Variants in NIPA2 observed in about 807,000 individuals in gnomAD.
NIPA2 encodes NIPA magnesium transporter 2, also known as magnesium transporter NIPA2.
A neutral mutation model predicts 29.7 loss-of-function variants in NIPA2; 11 were observed. The observed-to-expected ratio is 0.37, with a 90% CI of 0.23 to 0.61. The LOEUF is 0.61. Ranked by LOEUF, NIPA2 falls within the 20% of genes least tolerant of loss-of-function variation. The pLI, the probability that NIPA2 is intolerant of heterozygous loss-of-function variation, is 0.66. For synonymous variants in NIPA2, 183 were observed against 161.9 expected, an observed-to-expected ratio of 1.13 and a Z score of -0.99; for missense variants, 426 against 437.9, an observed-to-expected ratio of 0.97 and a Z score of 0.24.
intron 6 of NIPA2, among the ~76,000 whole-genome samples, chr15:22,859,438 A>G (rs1003956806): frequency 2.6e-5 from 4 of 151,314 alleles, no homozygotes; most frequent in East Asian, 2.0e-4. Context: ...GACTACAGGC[A>G]CCCGCCACCA....
intron 3 of NIPA2, among the ~76,000 whole-genome samples, chr15:22,850,920 C>T (rs1452457415): frequency 6.6e-6 from 1 of 152,172 alleles, no homozygotes; most frequent in Admixed American, 6.5e-5. Context: ...TTTTTCTCTG[C>T]TATCCACACT....
At chr15:22,864,524 G>A (rs2141596524) in intron 7 of NIPA2, among the ~76,000 whole-genome samples, 2 of 152,252 alleles carry the variant, frequency 1.3e-5, no homozygotes, top group East Asian at 3.9e-4. Context: ...TTTCATGGCT[G>A]GCTGTGGGCA....
chr15:22,854,928 T>TTTTTAAA (rs2058070787), intron 5 of NIPA2, among the ~76,000 whole-genome samples: 1 of 152,154 alleles, frequency 6.6e-6, no homozygotes, highest in Non-Finnish European at 1.5e-5. Context: ...GGCCTGTGCA[T>TTTTTAAA]TTTTAAAATT....
At chr15:22,847,978 AGTAGAGACGGG>A (rs199851307) in intron 3 of NIPA2, among the ~76,000 whole-genome samples, 3,228 of 150,774 alleles carry the variant, frequency 0.021, 51 homozygotes, top group Non-Finnish European at 0.032. Flanking sequence ...TTGTATTTTT[AGTAGAGACGGG>A]GTTTCTCCAT....
At position 22,840,166 on chromosome 15, in the gene NIPA2, C is replaced by G. The variant is rs116398279; in HGVS notation, c.-216+376C>G. Among the ~76,000 whole-genome samples, 503 of 152,222 alleles carry G rather than the reference C, an allele frequency of 3.3e-3. 4 individuals carry two copies. The highest frequency in any genetic ancestry group is 0.011 in the African/African-American group (467 of 41,510). On this transcript the variant is annotated intron_variant, in intron 2 of 7. Coordinates refer to ENST00000337451, the MANE Select transcript of NIPA2 (RefSeq NM_030922.7). ...CTAATTCTGGACTTAAGCGATCCAA[C>G]CACCTTGGCCTCCAAAGTGCGGGGA...
In NIPA2 at chr15:22,866,474, A is replaced by G. The variant is rs2059083474; in HGVS notation, c.710A>G (p.Asn237Ser). The G allele has an allele frequency of 6.2e-7, 1 of 1,613,918 alleles. No homozygotes were observed. ...VCVSTQINYL[N>S]RALDIFNTSI... ...GTGAGCACACAGATTAATTACCTAA[A>G]TAGGGCCCTGGATATATTCAACACT... The change falls in exon 8 of 8, where the codon AAT (asparagine) becomes AGT (serine). Residue 237 changes from asparagine to serine, a missense_variant. Asn to Ser is a conservative substitution (Grantham distance 46). Transcript: ENST00000337451.
At position 22,848,609 on chromosome 15, in the gene NIPA2, C is replaced by T. The variant is rs558067471; in HGVS notation, c.-93-3030C>T. On this transcript the variant is annotated intron_variant, in intron 3 of 7. Coordinates refer to ENST00000337451, the MANE Select transcript of NIPA2 (RefSeq NM_030922.7). ...TGAAGGCTGAGATGGGCGGATCACT[C>T]GAGGTCAGGAGTTCCAGACCAGCCT... 5.3e-5 allele frequency among the ~76,000 whole-genome samples: 8 copies of T among 151,824 alleles called. No homozygotes were observed. In the South Asian group the frequency reaches 1.7e-3, roughly 32 times the overall value.
intron 4 of NIPA2, 50 bp downstream of exon 4, chr15:22,851,920 T>C (rs2057772774): frequency 1.3e-6 from 2 of 1,515,478 alleles, no homozygotes; most frequent in Non-Finnish European, 1.8e-6. Context: ...TCTACCTACA[T>C]GCACAGGTTC....
intron 7 of NIPA2, among the ~76,000 whole-genome samples, chr15:22,861,274 A>G (rs1297670538): frequency 1.3e-5 from 2 of 152,138 alleles, no homozygotes; most frequent in African/African-American, 4.8e-5. Flanking sequence ...ACAAAGAGGT[A>G]TTCTTTGTTT....
At chr15:22,861,504 G>C (rs2058620517) in intron 7 of NIPA2, among the ~76,000 whole-genome samples, 1 of 152,226 alleles carries the variant, frequency 6.6e-6, no homozygotes, top group Non-Finnish European at 1.5e-5. Flanking sequence ...GGCATGAAGA[G>C]ATGAGATTTT....
intron 3 of NIPA2, among the ~76,000 whole-genome samples, chr15:22,848,089 C>T (rs563841668): frequency 2.0e-5 from 3 of 152,238 alleles, no homozygotes; most frequent in Admixed American, 6.5e-5. Flanking sequence ...TGAGCCACCA[C>T]GCCTGGTCGA....
rs1306936820 is a variant in NIPA2, at chr15:22,845,176, CAG to C, written c.-178_-177del. The C allele has an allele frequency of 6.6e-6, 1 of 152,154 alleles. No homozygotes were observed. Among genetic ancestry groups the C allele is most frequent in the Non-Finnish European group, 1.5e-5 (1 of 68,052 alleles). 9.4% of individuals were successfully genotyped at this position (152,154 alleles called of 1,614,324 possible). A position where few individuals can be genotyped will look rare whatever the true frequency, so the allele number is the denominator to read the frequency against. Reference sequence around the variant, plus strand: ...CCCGGCTGTGATAGACCTTCAGTTACAGAGAGAGGGAGCAGAGTGGGACCAGG... The same window carrying C: ...CCCGGCTGTGATAGACCTTCAGTTACAGAGAGGGAGCAGAGTGGGACCAGG... On this transcript the variant is annotated 5_prime_UTR_variant, in exon 3 of 8. It removes the in-frame stop codon of an upstream open reading frame in the 5' UTR. Transcript: ENST00000337451.
At chr15:22,842,845 T>C (rs1028535519) in intron 2 of NIPA2, among the ~76,000 whole-genome samples, 1 of 150,806 alleles carries the variant, frequency 6.6e-6, no homozygotes, top group African/African-American at 2.4e-5. Context: ...AATTAAAAAA[T>C]GCAAAAAATT....
chr15:22,858,505 T>C (rs1293664557), intron 5 of NIPA2, 35 bp from the exon 6 acceptor site: 2 of 1,439,434 alleles, frequency 1.4e-6, no homozygotes, highest in Non-Finnish European at 1.9e-6. Flanking sequence ...ACATACATTC[T>C]TACCTGAGTT....
At chr15:22,862,644 C>T (rs1182883690) in intron 7 of NIPA2, among the ~76,000 whole-genome samples, 1 of 151,954 alleles carries the variant, frequency 6.6e-6, no homozygotes, top group African/African-American at 2.4e-5. Flanking sequence ...AAGTCTTTGT[C>T]TGCTAACTTT....
At chr15:22,843,220 T>G (rs1048218323) in intron 2 of NIPA2, among the ~76,000 whole-genome samples, 1 of 151,844 alleles carries the variant, frequency 6.6e-6, no homozygotes, top group Non-Finnish European at 1.5e-5. Flanking sequence ...ATCTCTGGAC[T>G]TGGGCCAGGT....
At chr15:22,853,813 G>A (rs2057965289) in intron 5 of NIPA2, among the ~76,000 whole-genome samples, 1 of 152,058 alleles carries the variant, frequency 6.6e-6, no homozygotes, top group African/African-American at 2.4e-5. Context: ...TCCTTTGCAG[G>A]ACAAACAATC....
At chr15:22,845,502 A>G (rs1898367083) in intron 3 of NIPA2, among the ~76,000 whole-genome samples, 1 of 152,230 alleles carries the variant, frequency 6.6e-6, no homozygotes, top group South Asian at 2.1e-4. Flanking sequence ...GGAAACCACC[A>G]CAGAAAACCT....
In NIPA2 at chr15:22,858,533, C is replaced by T. The variant is rs1369020363; in HGVS notation, c.197-7C>T. 1 of 1,597,246 alleles carries T rather than the reference C, an allele frequency of 6.3e-7. No homozygotes were observed. Among genetic ancestry groups the T allele is most frequent in the Non-Finnish European group, 8.6e-7 (1 of 1,169,586 alleles). ...CCTGAGTTTTTCTTTTGTTGTCTGTCTCTAAGTGGGAGCTGGTGAGGTGGC... is the reference window on the plus strand; with the variant it reads ...CCTGAGTTTTTCTTTTGTTGTCTGTTTCTAAGTGGGAGCTGGTGAGGTGGC... On this transcript the variant is annotated splice_polypyrimidine_tract_variant and splice_region_variant and intron_variant, in intron 5 of 7. Coordinates refer to ENST00000337451, the MANE Select transcript of NIPA2 (RefSeq NM_030922.7).
Sources: gnomAD v4.1 joint callset for allele counts (sites outside exome capture counted in the v4.1 genomes callset) on GRCh38, gnomAD v4.1.1 for gene constraint, MANE v1.5 for transcripts, NCBI Gene and HGNC (gene_info 2026-07-23, HGNC 2026-07-21) for gene names.